The following SAMD4B variants were observed in gnomAD, a reference collection of about 807,000 sequenced individuals.
The protein encoded by SAMD4B is sterile alpha motif domain containing 4B.
A neutral mutation model predicts 74.5 loss-of-function variants in SAMD4B; 5 were observed. The observed-to-expected ratio is 0.07, with a 90% CI of 0.04 to 0.14. The LOEUF is 0.14. Ranked by LOEUF, SAMD4B falls within the 10% of genes least tolerant of loss-of-function variation. The pLI is 1.00. For missense variants in SAMD4B, 608 were observed against 921.8 expected (o/e 0.66, Z 4.41); for synonymous variants, 373 against 374.9 (o/e 1.00, Z 0.06).
intron 9 of SAMD4B, among the ~76,000 whole-genome samples, 160 bp from the exon 10 acceptor site, chr19:39,379,806 A>T (rs944950642): frequency 6.6e-6 from 1 of 152,104 alleles, no homozygotes; most frequent in Non-Finnish European, 1.5e-5. Flanking sequence ...CCTGACCTCA[A>T]GTGATCCACC....
At chr19:39,374,599 T>G (rs962440335) in intron 4 of SAMD4B, among the ~76,000 whole-genome samples, 2 of 152,170 alleles carry the variant, frequency 1.3e-5, no homozygotes, top group Non-Finnish European at 2.9e-5. Context: ...CCCAGCACTT[T>G]AGGAGGCTGA....
intron 9 of SAMD4B, among the ~76,000 whole-genome samples, chr19:39,379,034 C>A (rs2077779699): frequency 6.6e-6 from 1 of 151,638 alleles, no homozygotes; most frequent in African/African-American, 2.4e-5. Flanking sequence ...AACCCTTGTA[C>A]ACACTCTTCC....
At chr19:39,376,979 T>A (rs1235618978) in intron 7 of SAMD4B, among the ~76,000 whole-genome samples, 188 bp downstream of exon 7, 2 of 152,166 alleles carry the variant, frequency 1.3e-5, no homozygotes, top group African/African-American at 4.8e-5. Flanking sequence ...GCTAAGAGTC[T>A]CCCCTCCCTG....
intron 3 of SAMD4B, among the ~76,000 whole-genome samples, chr19:39,368,086 C>T (rs2077077564): frequency 6.6e-6 from 1 of 151,798 alleles, no homozygotes; most frequent in African/African-American, 2.4e-5. Flanking sequence ...TGGTGGTGGG[C>T]GCCTGTAGTC....
rs547917838 is a variant in SAMD4B at position 39,358,008 on chromosome 19, C to T, written c.196+919C>T. On this transcript the variant is annotated intron_variant, in intron 3 of 13. Transcript: ENST00000610417. ...GTTCTTGGCCAGATGCAGTGGCTCA[C>T]GCCTGTAATCCCAGCACTTTAGGAG... Among the ~76,000 whole-genome samples, 180 of 152,320 alleles carry T rather than the reference C, an allele frequency of 1.2e-3. 1 individual carries two copies. The highest frequency in any genetic ancestry group is 4.1e-3 in the African/African-American group (172 of 41,560).
At chr19:39,376,920 A>C in intron 7 of SAMD4B, 129 bp downstream of exon 7, 1 of 685,904 alleles carries the variant, frequency 1.5e-6, no homozygotes, top group Non-Finnish European at 2.5e-6. Flanking sequence ...AGGGACCCAG[A>C]CTTCAGGGAC....
At chr19:39,379,849 C>T (rs2077846862) in intron 9 of SAMD4B, 117 bp from the exon 10 acceptor site, 1 of 846,224 alleles carries the variant, frequency 1.2e-6, no homozygotes, top group Non-Finnish European at 1.9e-6. Flanking sequence ...GGGATTACAG[C>T]TTGAGCCACC....
At chr19:39,354,211 A>G (rs2076214583) in intron 2 of SAMD4B, 145 bp downstream of exon 2, 1 of 152,176 alleles carries the variant, frequency 6.6e-6, no homozygotes, top group Admixed American at 6.5e-5. Flanking sequence ...CATTTCCTCT[A>G]TCCCATGTTG....
intron 9 of SAMD4B, among the ~76,000 whole-genome samples, chr19:39,379,389 T>C (rs554986675): frequency 6.6e-6 from 1 of 152,280 alleles, no homozygotes; most frequent in African/African-American, 2.4e-5. Context: ...CAGGGACACC[T>C]TTACCAACCC....
intron 7 of SAMD4B, among the ~76,000 whole-genome samples, chr19:39,377,038 T>C (rs1280003347): frequency 6.6e-6 from 1 of 152,220 alleles, no homozygotes; most frequent in East Asian, 1.9e-4. Flanking sequence ...ACTCTACACC[T>C]TCTCTCCCCT....
chr19:39,358,747 A>G (rs973185840), intron 3 of SAMD4B, among the ~76,000 whole-genome samples: 3 of 152,194 alleles, frequency 2.0e-5, no homozygotes, highest in Non-Finnish European at 4.4e-5. Context: ...TTAATTGTCA[A>G]TAACTCACTT....
chr19:39,389,655 G>A (rs201298491), downstream of SAMD4B: 15 of 1,614,192 alleles, frequency 9.3e-6, no homozygotes, highest in African/African-American at 4.0e-5. This position sits in a 1 kb window ranked among gnomAD's most constrained non-coding sequence, Gnocchi z 5.3. Context: ...GGGTCGATGC[G>A]GTAGGTGTCA....
chr19:39,343,455 A>G (rs576001681), intron 1 of SAMD4B, among the ~76,000 whole-genome samples: 1 of 150,138 alleles, frequency 6.7e-6, no homozygotes, highest in Non-Finnish European at 1.5e-5. Flanking sequence ...AAACTCACCT[A>G]GAAGACTCCA....
chr19:39,343,320 TC>T (rs1476479284), intron 1 of SAMD4B, among the ~76,000 whole-genome samples: 1 of 144,138 alleles, frequency 6.9e-6, no homozygotes, highest in East Asian at 2.1e-4. Context: ...CATTTCTGAT[TC>T]CCCCTCCCAG....
rs1299308405 is a variant in SAMD4B at position 39,383,074 on chromosome 19, A to T, written c.1973-134A>T. On this transcript the variant is annotated intron_variant, in intron 12 of 13. Transcript: ENST00000610417. This position sits in a 1 kb window ranked among gnomAD's most constrained non-coding sequence, Gnocchi z 4.1. ...GACACGCTCGCCTCTCTCCCTGTCC[A>T]CCTCCTCCCGTTCTTCCCTCTCCCC... 5 of 734,496 alleles carry T rather than the reference A, an allele frequency of 6.8e-6. No individual in the cohort carries two copies. In the African/African-American group the frequency reaches 8.7e-5, roughly 13 times the overall value. The allele number at this position is 734,496 out of a possible 1,614,324, so 45.5% of individuals were successfully genotyped here. A position where few individuals can be genotyped will look rare whatever the true frequency, so the allele number is the denominator to read the frequency against.
At chr19:39,390,623 A>G (rs1169795656), downstream of SAMD4B, among the ~76,000 whole-genome samples, 1 of 152,050 alleles carries the variant, frequency 6.6e-6, no homozygotes, top group African/African-American at 2.4e-5. Flanking sequence ...TTCTGGAGGG[A>G]GTCTCCAAAA....
chr19:39,388,707 T>C (rs1385246849), downstream of SAMD4B: 3 of 1,610,760 alleles, frequency 1.9e-6, no homozygotes, highest in Non-Finnish European at 2.5e-6. Context: ...AGCAATGAAG[T>C]GTGAGGACAA....
chr19:39,383,664 C>T lies in SAMD4B; in HGVS notation c.*137C>T. On this transcript the variant is annotated 3_prime_UTR_variant, in exon 14 of 14. Coordinates refer to ENST00000610417, the MANE Select transcript of SAMD4B (RefSeq NM_001384574.2). The surrounding 1 kb of genome is among the most constrained non-coding windows in gnomAD (Gnocchi z 4.1). ...TAATATTTTTCTACTCTCTTACCCTCTTAACTTTTGTTTAACATTGGCACA... is the reference window on the plus strand; with the variant it reads ...TAATATTTTTCTACTCTCTTACCCTTTTAACTTTTGTTTAACATTGGCACA... 3.8e-6 allele frequency: 6 copies of T among 1,580,684 alleles called. No individual in the cohort carries two copies. Among genetic ancestry groups the T allele is most frequent in the Non-Finnish European group, 5.1e-6 (6 of 1,166,370 alleles).
rs1408898089 is a variant in SAMD4B, at chr19:39,356,865, C to T, written c.-29C>T. On this transcript the variant is annotated 5_prime_UTR_variant, in exon 3 of 14. Coordinates refer to ENST00000610417, the MANE Select transcript of SAMD4B (RefSeq NM_001384574.2). ...CGGCGCTGGCCCTCGCCACCGCCGT[C>T]CCCCGACCCTGGCCCCAGGCCCGGC... The T allele has an allele frequency of 8.8e-6, 14 of 1,584,768 alleles. No individual in the cohort carries two copies. The highest frequency in any genetic ancestry group is 1.1e-5 in the Non-Finnish European group (13 of 1,160,726).
Sources: allele counts gnomAD v4.1 joint callset (sites outside exome capture counted in the v4.1 genomes callset), GRCh38; gene constraint gnomAD v4.1.1; non-coding constraint Gnocchi (gnomAD v3.1); transcripts MANE v1.5; gene names NCBI Gene and HGNC (gene_info 2026-07-23, HGNC 2026-07-21).